The following SOX5 variants were observed in gnomAD, a reference collection of about 807,000 sequenced individuals.
SOX5 encodes the protein transcription factor SOX-5.
SOX5 carries 9 observed loss-of-function variants against 92.0 expected under a neutral mutation model. That is an observed-to-expected ratio of 0.10 (90% confidence interval 0.06 to 0.17). SOX5 has a LOEUF of 0.17. Among genes scored for constraint, SOX5 ranks in the 10% least tolerant of loss-of-function variants. The pLI is 1.00. For missense variants in SOX5, 642 were observed against 944.5 expected, an observed-to-expected ratio of 0.68 and a Z score of 4.20; for synonymous variants, 344 against 336.3, an observed-to-expected ratio of 1.02 and a Z score of -0.25.
chr12:23,637,295 T>C (rs2079388183), intron 8 of SOX5, among the ~76,000 whole-genome samples: 1 of 152,182 alleles, frequency 6.6e-6, no homozygotes, highest in Admixed American at 6.5e-5. Flanking sequence ...TGTGAGTTTA[T>C]CACTACCTAC....
chr12:23,695,679 C>T (rs150891749), intron 6 of SOX5, among the ~76,000 whole-genome samples: 6 of 152,126 alleles, frequency 3.9e-5, no homozygotes, highest in East Asian at 3.9e-4. Flanking sequence ...CAGTGGCTCA[C>T]GCCTGTAATC....
At chr12:23,674,386 G>A (rs941116155) in intron 6 of SOX5, among the ~76,000 whole-genome samples, 5 of 111,904 alleles carry the variant, frequency 4.5e-5, no homozygotes, top group Non-Finnish European at 6.7e-5. Flanking sequence ...CACCCAGGCT[G>A]GAGTGCATCA....
chr12:23,945,365 A>C (rs1944402413), intron 1 of SOX5, among the ~76,000 whole-genome samples: 1 of 152,164 alleles, frequency 6.6e-6, no homozygotes, highest in African/African-American at 2.4e-5. Context: ...TATGTGAAGT[A>C]ATCATAATAT....
At chr12:24,378,701 A>T (rs928412879) in intron 1 of SOX5, among the ~76,000 whole-genome samples, 4 of 152,240 alleles carry the variant, frequency 2.6e-5, no homozygotes, top group Non-Finnish European at 4.4e-5. Context: ...AGGAAATAGT[A>T]TAAATAAAGC....
chr12:23,982,498 T>C (rs1949666317), intron 4 of SOX5, among the ~76,000 whole-genome samples: 1 of 152,206 alleles, frequency 6.6e-6, no homozygotes, highest in Non-Finnish European at 1.5e-5. Context: ...TCTGCTGGGA[T>C]ACACTGGTCA....
At chr12:24,303,876 C>T (rs1399129900) in intron 2 of SOX5, among the ~76,000 whole-genome samples, 1 of 152,148 alleles carries the variant, frequency 6.6e-6, no homozygotes, top group East Asian at 1.9e-4. Context: ...AAACTGAAAA[C>T]TCAGAAAATT....
At chr12:23,926,922 G>T (rs1466064672) in intron 1 of SOX5, among the ~76,000 whole-genome samples, 1 of 151,922 alleles carries the variant, frequency 6.6e-6, no homozygotes, top group Non-Finnish European at 1.5e-5. Context: ...CATCTGCATT[G>T]GGTAATAGGA....
At chr12:23,675,441 C>A (rs2085508413) in intron 6 of SOX5, among the ~76,000 whole-genome samples, 1 of 152,104 alleles carries the variant, frequency 6.6e-6, no homozygotes, top group South Asian at 2.1e-4. Flanking sequence ...CAAGATCACA[C>A]AATGTGGAAA....
At chr12:23,984,486 A>C (rs746874975) in intron 4 of SOX5, among the ~76,000 whole-genome samples, 4 of 152,172 alleles carry the variant, frequency 2.6e-5, no homozygotes, top group African/African-American at 4.8e-5. Context: ...ATTTCCTACA[A>C]AGGAATAGTG....
intron 4 of SOX5, among the ~76,000 whole-genome samples, chr12:24,145,535 T>C (rs917939254): frequency 5.3e-5 from 8 of 152,324 alleles, no homozygotes; most frequent in Admixed American, 1.3e-4. Context: ...CTCACTCTAT[T>C]GCCCGGGCTG....
chr12:24,458,797 T>C (rs1410669856), intron 1 of SOX5, among the ~76,000 whole-genome samples: 1 of 152,168 alleles, frequency 6.6e-6, no homozygotes, highest in East Asian at 1.9e-4. Context: ...AACACTTCTC[T>C]AAATCATTTA....
intron 6 of SOX5, among the ~76,000 whole-genome samples, chr12:23,731,071 G>A (rs921820961): frequency 6.6e-6 from 1 of 152,162 alleles, no homozygotes; most frequent in African/African-American, 2.4e-5. Context: ...GTGAATGCGT[G>A]GATCTATCTG....
At chr12:23,586,418 G>A (rs1950753041) in intron 9 of SOX5, among the ~76,000 whole-genome samples, 1 of 151,976 alleles carries the variant, frequency 6.6e-6, no homozygotes, top group Non-Finnish European at 1.5e-5. Context: ...AGGAAACTTC[G>A]ATAGTGAAAT....
chr12:23,969,614 T>C (rs184302974), intron 4 of SOX5, among the ~76,000 whole-genome samples: 1 of 152,368 alleles, frequency 6.6e-6, no homozygotes, highest in East Asian at 1.9e-4. Flanking sequence ...GGCTAATGTC[T>C]AGCTACACTT....
intron 3 of SOX5, among the ~76,000 whole-genome samples, chr12:24,231,612 T>C (rs369147262): frequency 2.0e-5 from 3 of 152,202 alleles, no homozygotes; most frequent in African/African-American, 7.2e-5. Flanking sequence ...TCTACACATA[T>C]ACTCACAAAG....
intron 2 of SOX5, among the ~76,000 whole-genome samples, chr12:23,855,560 T>C (rs1217456506): frequency 6.6e-6 from 1 of 152,142 alleles, no homozygotes; most frequent in Non-Finnish European, 1.5e-5. Flanking sequence ...TCTTTCTCTT[T>C]CTTTTTCTGA....
intron 11 of SOX5, among the ~76,000 whole-genome samples, chr12:23,547,876 T>C (rs559093960): frequency 2.1e-4 from 32 of 152,214 alleles, no homozygotes; most frequent in Admixed American, 2.6e-4. Context: ...TTTCAGCTGC[T>C]TCATATGTTT....
chr12:23,758,291 G>A (rs1175309179), intron 3 of SOX5, among the ~76,000 whole-genome samples: 3 of 151,570 alleles, frequency 2.0e-5, no homozygotes, highest in Non-Finnish European at 2.9e-5. Flanking sequence ...TCCATGTTAC[G>A]GGTTTAAAGA....
chr12:23,707,546 T>C (rs984277251), intron 6 of SOX5, among the ~76,000 whole-genome samples: 1 of 152,146 alleles, frequency 6.6e-6, no homozygotes, highest in Non-Finnish European at 1.5e-5. Context: ...GAGTAGAATA[T>C]ACAGAGAGCA....
Sources: gnomAD v4.1 joint callset for allele counts (sites outside exome capture counted in the v4.1 genomes callset) on GRCh38, gnomAD v4.1.1 for gene constraint, MANE v1.5 for transcripts, NCBI Gene and HGNC (gene_info 2026-07-23, HGNC 2026-07-21) for gene names.